LEKR1: variants seen among roughly 807,000 people sequenced by gnomAD.
The protein encoded by LEKR1 is protein LEKR1.
In LEKR1, 59 loss-of-function variants were observed where a neutral mutation model predicts 72.4. That is an observed-to-expected ratio of 0.82 (90% CI 0.66 to 1.01). LEKR1 has a LOEUF of 1.01. Among genes scored for constraint, LEKR1 ranks in the 50% least tolerant of loss-of-function variants. The probability of loss-of-function intolerance (pLI) is 0.00; values close to 1 mark genes in which losing one functional copy is unlikely to be tolerated. For synonymous variants in LEKR1, 257 were observed against 263.2 expected (o/e 0.98, Z 0.23); for missense variants, 728 against 759.2 (o/e 0.96, Z 0.48).
intron 2 of LEKR1, among the ~76,000 whole-genome samples, chr3:156,842,026 T>C (rs1203081481): frequency 2.6e-5 from 4 of 152,120 alleles, no homozygotes; most frequent in Non-Finnish European, 5.9e-5. Flanking sequence ...GGGTTCTAGG[T>C]TGTGTGCTGC....
intron 9 of LEKR1, among the ~76,000 whole-genome samples, chr3:157,002,644 C>A (rs573392871): frequency 6.6e-6 from 1 of 152,074 alleles, no homozygotes. Context: ...GGAATCAAAG[C>A]GGTATAAAAG....
intron 6 of LEKR1, among the ~76,000 whole-genome samples, chr3:156,978,582 C>A (rs955674278): frequency 6.6e-6 from 1 of 152,196 alleles, no homozygotes; most frequent in African/African-American, 2.4e-5. Context: ...TGCATTCACA[C>A]ACTTGTTAGA....
At chr3:156,841,079 T>C (rs1269357941) in intron 2 of LEKR1, among the ~76,000 whole-genome samples, 2 of 152,214 alleles carry the variant, frequency 1.3e-5, no homozygotes, top group East Asian at 3.9e-4. Flanking sequence ...GTGTGTGATT[T>C]AGTGCCATGT....
intron 10 of LEKR1, among the ~76,000 whole-genome samples, chr3:157,016,305 T>TA (rs1473820212): frequency 6.6e-6 from 1 of 152,040 alleles, no homozygotes; most frequent in Admixed American, 6.6e-5. Context: ...AAAACAGTAA[T>TA]AAAAAGAATA....
intron 9 of LEKR1, among the ~76,000 whole-genome samples, chr3:156,997,484 G>GT (rs903688572): frequency 6.6e-6 from 1 of 152,182 alleles, no homozygotes; most frequent in Admixed American, 6.5e-5. Flanking sequence ...GGAGATTCTG[G>GT]TTCAGTAGGT....
chr3:157,024,437 A>G (rs958269058), intron 10 of LEKR1, among the ~76,000 whole-genome samples: 1 of 152,102 alleles, frequency 6.6e-6, no homozygotes, highest in Non-Finnish European at 1.5e-5. Flanking sequence ...AAAAACTTCA[A>G]TTTTCTGAGT....
intron 3 of LEKR1, among the ~76,000 whole-genome samples, chr3:156,905,648 T>G (rs1050348275): frequency 2.6e-5 from 4 of 152,184 alleles, no homozygotes; most frequent in African/African-American, 9.7e-5. Context: ...CTCTGCAAAA[T>G]AAGAGTTGTT....
chr3:157,033,961 A>G (rs964007440), intron 12 of LEKR1, among the ~76,000 whole-genome samples: 4 of 152,164 alleles, frequency 2.6e-5, no homozygotes, highest in African/African-American at 9.7e-5. Context: ...TCTGTGCTTT[A>G]TAAGTGGGAC....
intron 9 of LEKR1, among the ~76,000 whole-genome samples, chr3:157,008,700 T>C (rs915657965): frequency 6.6e-6 from 1 of 152,244 alleles, no homozygotes; most frequent in Non-Finnish European, 1.5e-5. Context: ...TGTTTCTCTC[T>C]ATAATTTTAC....
intron 2 of LEKR1, among the ~76,000 whole-genome samples, chr3:156,838,431 T>C (rs1014609192): frequency 6.6e-6 from 1 of 152,214 alleles, no homozygotes; most frequent in Non-Finnish European, 1.5e-5. Flanking sequence ...TAACCTCTTA[T>C]TCTCTAACTG....
chr3:156,986,787 G>A (rs1047285381), intron 7 of LEKR1, among the ~76,000 whole-genome samples: 1 of 152,178 alleles, frequency 6.6e-6, no homozygotes, highest in African/African-American at 2.4e-5. Flanking sequence ...TACATAATGT[G>A]TTACCTTTTA....
At chr3:156,976,379 A>G in intron 6 of LEKR1, among the ~76,000 whole-genome samples, 1 of 152,130 alleles carries the variant, frequency 6.6e-6, no homozygotes, top group Non-Finnish European at 1.5e-5. Flanking sequence ...CCTATGCTTC[A>G]TCTAGTTTAG....
intron 6 of LEKR1, among the ~76,000 whole-genome samples, chr3:156,970,242 A>G (rs1729037546): frequency 6.6e-6 from 1 of 152,204 alleles, no homozygotes; most frequent in Admixed American, 6.5e-5. Context: ...CACCACTCCT[A>G]TTCAACATAA....
At chr3:156,914,567 T>C (rs1225184838) in intron 3 of LEKR1, among the ~76,000 whole-genome samples, 2 of 152,198 alleles carry the variant, frequency 1.3e-5, no homozygotes, top group African/African-American at 4.8e-5. Context: ...TTATCATTGA[T>C]GGGCATTTGG....
chr3:156,882,807 G>A lies in LEKR1; in HGVS notation c.263+29825G>A, dbSNP rs1423374841. Among the ~76,000 whole-genome samples the A allele has an allele frequency of 2.0e-5, 3 of 151,954 alleles. No homozygotes were observed. The East Asian group carries it at 5.8e-4, about 29-fold the overall frequency. ...GAAAATGTGGCACATATACACCATGGAATACTATGCAGCCATAAAAAATGA... is the reference window on the plus strand; with the variant it reads ...GAAAATGTGGCACATATACACCATGAAATACTATGCAGCCATAAAAAATGA... On this transcript the variant is annotated intron_variant, in intron 3 of 12. Transcript: ENST00000356539.
intron 7 of LEKR1, among the ~76,000 whole-genome samples, chr3:156,989,779 C>T (rs1730999961): frequency 6.6e-6 from 1 of 151,498 alleles, no homozygotes; most frequent in African/African-American, 2.4e-5. Context: ...TCTCTCTCTC[C>T]CTCTTTACCC....
rs1716715027 is a variant in LEKR1 at position 156,861,105 on chromosome 3, G to T, written c.263+8123G>T. Among the ~76,000 whole-genome samples the T allele has an allele frequency of 2.0e-5, 3 of 152,256 alleles. No homozygotes were observed. The South Asian group carries it at 6.2e-4, about 32-fold the overall frequency. ...TCCTGAAACAATATCAGGTACTGTTGTAAGGAAGAAAAGGAAACAGACACT... is the reference window on the plus strand; with the variant it reads ...TCCTGAAACAATATCAGGTACTGTTTTAAGGAAGAAAAGGAAACAGACACT... On this transcript the variant is annotated intron_variant, in intron 3 of 12. Transcript: ENST00000356539.
intron 2 of LEKR1, among the ~76,000 whole-genome samples, chr3:156,830,583 C>CT (rs1712247916): frequency 6.6e-6 from 1 of 152,156 alleles, no homozygotes; most frequent in South Asian, 2.1e-4. Flanking sequence ...AAACCATGTA[C>CT]TTTTTGCAAA....
chr3:156,904,514 C>A (rs114252107), intron 3 of LEKR1, among the ~76,000 whole-genome samples: 6 of 150,800 alleles, frequency 4.0e-5, no homozygotes, highest in Non-Finnish European at 8.8e-5. Context: ...GGCTGGAGTG[C>A]GATGGCATGA....
Sources: gnomAD v4.1 joint callset for allele counts (sites outside exome capture counted in the v4.1 genomes callset) on GRCh38, gnomAD v4.1.1 for gene constraint, MANE v1.5 for transcripts, NCBI Gene and HGNC (gene_info 2026-07-23, HGNC 2026-07-21) for gene names.